Variants in NCOA3 observed in about 807,000 individuals in gnomAD.
NCOA3 encodes the protein CBP-interacting protein.
NCOA3 carries 51 observed loss-of-function variants against 158.8 expected under a neutral mutation model. The ratio of observed to expected loss-of-function variants is 0.32; its 90% CI spans 0.26 to 0.41. The LOEUF (loss-of-function observed/expected upper bound fraction) is 0.41, where lower values mean the gene tolerates loss of function less well. NCOA3 is among the 10% of genes least tolerant of loss of function. The probability of loss-of-function intolerance (pLI) is 1.00; values close to 1 mark genes in which losing one functional copy is unlikely to be tolerated. For missense variants in NCOA3, 1,510 were observed against 1,746.6 expected, an observed-to-expected ratio of 0.86 and a Z score of 2.41; for synonymous variants, 537 against 592.4, an observed-to-expected ratio of 0.91 and a Z score of 1.36.
intron 8 of NCOA3, among the ~76,000 whole-genome samples, chr20:47,632,790 C>G (rs2146315649): frequency 6.6e-6 from 1 of 151,888 alleles, no homozygotes; most frequent in East Asian, 1.9e-4. Context: ...TCCAGCGATT[C>G]TCCTGCCTCA....
At chr20:47,554,841 G>A (rs1477664226) in intron 1 of NCOA3, among the ~76,000 whole-genome samples, 1 of 152,146 alleles carries the variant, frequency 6.6e-6, no homozygotes, top group Admixed American at 6.6e-5. Context: ...TTTCTTCACA[G>A]AATTGGAAAA....
At chr20:47,512,129 A>C in intron 1 of NCOA3, among the ~76,000 whole-genome samples, 1 of 152,126 alleles carries the variant, frequency 6.6e-6, no homozygotes, top group Non-Finnish European at 1.5e-5. Flanking sequence ...AGGCTGGGCA[A>C]TATAGTGAGA....
At chr20:47,636,908 T>A in intron 12 of NCOA3, 146 bp downstream of exon 12, 1 of 755,246 alleles carries the variant, frequency 1.3e-6, no homozygotes, top group Non-Finnish European at 2.1e-6. Flanking sequence ...TGGATGTCAG[T>A]AAAATTATGA....
chr20:47,608,553 C>T (rs2085987866), intron 2 of NCOA3, among the ~76,000 whole-genome samples: 1 of 147,962 alleles, frequency 6.8e-6, no homozygotes, highest in Admixed American at 6.9e-5. Flanking sequence ...GTGGGAGGAT[C>T]ACTTCAGACC....
chr20:47,613,870 C>T (rs975895355), intron 2 of NCOA3, among the ~76,000 whole-genome samples: 10 of 151,286 alleles, frequency 6.6e-5, no homozygotes, highest in Non-Finnish European at 1.0e-4. Flanking sequence ...TGCGCTACTG[C>T]ACTCTAGCCT....
At chr20:47,537,666 G>T (rs1183231334) in intron 1 of NCOA3, among the ~76,000 whole-genome samples, 3 of 143,140 alleles carry the variant, frequency 2.1e-5, no homozygotes, top group Non-Finnish European at 4.7e-5. Flanking sequence ...TGGAACCTCT[G>T]CCTCCCAGGT....
intron 16 of NCOA3, 73 bp from the exon 17 acceptor site, chr20:47,642,140 C>T (rs2086621298): frequency 7.3e-6 from 8 of 1,093,950 alleles, no homozygotes; most frequent in Non-Finnish European, 1.0e-5. Context: ...AAATACTATG[C>T]ATGGTTGCTG....
rs574397863 is a variant in NCOA3, at chr20:47,652,912, A to T, written c.4122-19A>T. ...TAAAGTGACTTCCAGAGGTAATATT[A>T]CCATTTGTTTACTTACAGCTCCTTT... On this transcript the variant is annotated intron_variant, in intron 21 of 22. Transcript: ENST00000371998. The T allele has an allele frequency of 2.5e-6, 4 of 1,612,940 alleles. No individual in the cohort carries two copies. Among genetic ancestry groups the T allele is most frequent in the Non-Finnish European group, 3.4e-6 (4 of 1,179,194 alleles).
chr20:47,550,930 A>G (rs539993638), intron 1 of NCOA3, among the ~76,000 whole-genome samples: 5 of 152,306 alleles, frequency 3.3e-5, no homozygotes, highest in Admixed American at 6.5e-5. Context: ...TGATCATAGT[A>G]ACTCAGAATA....
At chr20:47,529,604 A>G (rs1404591973) in intron 1 of NCOA3, among the ~76,000 whole-genome samples, 1 of 151,786 alleles carries the variant, frequency 6.6e-6, no homozygotes, top group Non-Finnish European at 1.5e-5. Flanking sequence ...GTAGAGGTGG[A>G]GTTTTGCCAT....
chr20:47,518,893 T>C (rs1338741955), intron 1 of NCOA3, among the ~76,000 whole-genome samples: 1 of 152,106 alleles, frequency 6.6e-6, no homozygotes, highest in Non-Finnish European at 1.5e-5. Flanking sequence ...TCCAGCACTT[T>C]GTGAGGCCGA....
At chr20:47,551,829 G>A (rs1191920534) in intron 1 of NCOA3, among the ~76,000 whole-genome samples, 2 of 152,192 alleles carry the variant, frequency 1.3e-5, no homozygotes, top group African/African-American at 2.4e-5. Flanking sequence ...AACTTAATAC[G>A]TATGTATCCT....
chr20:47,557,295 T>G (rs1425338224), intron 1 of NCOA3, among the ~76,000 whole-genome samples: 2 of 152,248 alleles, frequency 1.3e-5, no homozygotes, highest in Admixed American at 6.5e-5. Flanking sequence ...ATGATGATCT[T>G]ATAGCAGCCA....
At chr20:47,618,566 C>T (rs2086183261) in intron 2 of NCOA3, among the ~76,000 whole-genome samples, 1 of 152,096 alleles carries the variant, frequency 6.6e-6, no homozygotes, top group Non-Finnish European at 1.5e-5. Context: ...GTTGGTCAGG[C>T]TGGTCTCGAA....
chr20:47,538,718 G>A (rs1792754255), intron 1 of NCOA3, among the ~76,000 whole-genome samples: 1 of 152,006 alleles, frequency 6.6e-6, no homozygotes, highest in African/African-American at 2.4e-5. Context: ...TCTAATTTTT[G>A]TAATTTTAGT....
chr20:47,634,822 G>C (rs886557200), intron 10 of NCOA3, among the ~76,000 whole-genome samples: 1 of 151,814 alleles, frequency 6.6e-6, no homozygotes, highest in Non-Finnish European at 1.5e-5. Context: ...GTATTGGAAT[G>C]CTGCCTAAAA....
intron 1 of NCOA3, among the ~76,000 whole-genome samples, chr20:47,555,824 A>G (rs1030719870): frequency 7.5e-5 from 11 of 147,444 alleles, no homozygotes; most frequent in Admixed American, 4.8e-4. Flanking sequence ...TTGTATTTTT[A>G]GTAGAGATGG....
At chr20:47,521,260 C>G (rs182303496) in intron 1 of NCOA3, among the ~76,000 whole-genome samples, 19 of 152,298 alleles carry the variant, frequency 1.2e-4, no homozygotes, top group South Asian at 2.1e-4. Flanking sequence ...AGACCGCCCC[C>G]GGAGGGGAAT....
intron 10 of NCOA3, among the ~76,000 whole-genome samples, chr20:47,634,912 C>CTCT (rs1388059711): frequency 6.9e-6 from 1 of 145,490 alleles, no homozygotes; most frequent in African/African-American, 2.6e-5. Context: ...TCTTCTTCTT[C>CTCT]TCTTCTTCTT....
Sources: gnomAD v4.1 joint callset for allele counts (sites outside exome capture counted in the v4.1 genomes callset) on GRCh38, gnomAD v4.1.1 for gene constraint, MANE v1.5 for transcripts, NCBI Gene and HGNC (gene_info 2026-07-23, HGNC 2026-07-21) for gene names.